IQCM: variants seen among roughly 807,000 people sequenced by gnomAD.
IQCM encodes the protein IQ motif containing M.
Under a neutral mutation model 57.6 loss-of-function variants are expected in IQCM, and 45 were observed. That is an observed-to-expected ratio of 0.78 (90% CI 0.62 to 1.00). The LOEUF is 1.00. Among genes scored for constraint, IQCM ranks in the 50% least tolerant of loss-of-function variants. The probability of loss-of-function intolerance (pLI) is 0.00; values close to 1 mark genes in which losing one functional copy is unlikely to be tolerated. For synonymous variants in IQCM, 148 were observed against 158.9 expected, an observed-to-expected ratio of 0.93 and a Z score of 0.51; for missense variants, 468 against 511.6, an observed-to-expected ratio of 0.91 and a Z score of 0.82.
At chr4:149,442,951 C>CAGAG (rs1278320532) in intron 12 of IQCM, among the ~76,000 whole-genome samples, 7 of 111,204 alleles carry the variant, frequency 6.3e-5, no homozygotes, top group South Asian at 3.9e-4. Context: ...CACACACACA[C>CAGAG]ACAGAGAGAG....
intron 13 of IQCM, among the ~76,000 whole-genome samples, chr4:149,432,396 G>GA (rs1004506655): frequency 6.6e-6 from 1 of 151,832 alleles, no homozygotes. Flanking sequence ...TTAATTTATA[G>GA]AAAAATAGTC....
At chr4:149,743,784 T>A (rs984597171) in intron 2 of IQCM, among the ~76,000 whole-genome samples, 2 of 152,196 alleles carry the variant, frequency 1.3e-5, no homozygotes, top group African/African-American at 4.8e-5. Context: ...ACATTTGACA[T>A]TATCATTACT....
At chr4:149,556,048 C>G (rs1165368325) in intron 10 of IQCM, among the ~76,000 whole-genome samples, 5 of 152,144 alleles carry the variant, frequency 3.3e-5, no homozygotes, top group Non-Finnish European at 7.3e-5. Context: ...TATGCTTCAG[C>G]TATTGTGCTA....
At chr4:149,445,820 T>C (rs376699627) in intron 12 of IQCM, among the ~76,000 whole-genome samples, 12 of 151,932 alleles carry the variant, frequency 7.9e-5, no homozygotes, top group East Asian at 7.7e-4. Flanking sequence ...AAGATTGCAG[T>C]TGAAAATAAA....
At chr4:149,602,036 A>C (rs900141339) in intron 8 of IQCM, among the ~76,000 whole-genome samples, 1 of 134,918 alleles carries the variant, frequency 7.4e-6, no homozygotes, top group Admixed American at 8.0e-5. Flanking sequence ...CCTGGGCGAC[A>C]AAAAAAAAAA....
intron 7 of IQCM, among the ~76,000 whole-genome samples, chr4:149,625,844 G>A (rs1413460705): frequency 7.9e-5 from 12 of 151,818 alleles, no homozygotes; most frequent in Non-Finnish European, 1.3e-4. Flanking sequence ...ACATTTTTGG[G>A]GTATCGTGTT....
chr4:149,646,086 A>G (rs1758608666), intron 7 of IQCM, among the ~76,000 whole-genome samples: 3 of 152,148 alleles, frequency 2.0e-5, no homozygotes, highest in Admixed American at 1.3e-4. Context: ...TCTGAATCCC[A>G]GCCTTGGGGG....
In IQCM at chr4:149,683,514, G is replaced by A. The variant is rs1362311939; in HGVS notation, c.477-1308C>T. Among the ~76,000 whole-genome samples, 3 of 151,260 alleles carry A rather than the reference G, an allele frequency of 2.0e-5. 1 individual carries two copies. In the South Asian group the frequency reaches 6.2e-4, roughly 31 times the overall value. The stretch of plus-strand genomic sequence containing the variant: ...TCACTCATGTGGTCATGCCCACAGA[G>A]TTGGCCAAAGGACTGAGGTATCCCT... On this transcript the variant is annotated intron_variant, in intron 6 of 13. Transcript: ENST00000636793.
intron 13 of IQCM, among the ~76,000 whole-genome samples, chr4:149,374,272 A>C (rs1560784080): frequency 6.6e-6 from 1 of 152,046 alleles, no homozygotes; most frequent in South Asian, 2.1e-4. Flanking sequence ...GTATCCATCT[A>C]TTTATTTATC....
At chr4:149,475,091 G>A (rs544823435) in intron 12 of IQCM, among the ~76,000 whole-genome samples, 2 of 152,320 alleles carry the variant, frequency 1.3e-5, no homozygotes, top group East Asian at 3.9e-4. Context: ...TCTGGCTACT[G>A]TGTCGAAAAT....
At chr4:149,442,951 C>CAGAGAG (rs1278320532) in intron 12 of IQCM, among the ~76,000 whole-genome samples, 5 of 111,114 alleles carry the variant, frequency 4.5e-5, no homozygotes, top group Non-Finnish European at 3.6e-5. Flanking sequence ...CACACACACA[C>CAGAGAG]ACAGAGAGAG....
At chr4:149,636,899 T>C (rs1757764197) in intron 7 of IQCM, among the ~76,000 whole-genome samples, 1 of 151,150 alleles carries the variant, frequency 6.6e-6, no homozygotes, top group Non-Finnish European at 1.5e-5. Context: ...ATCCCAGCAC[T>C]TTGGGAGGCC....
At chr4:149,489,776 T>A (rs1336360926) in intron 12 of IQCM, among the ~76,000 whole-genome samples, 1 of 151,692 alleles carries the variant, frequency 6.6e-6, no homozygotes, top group African/African-American at 2.4e-5. Flanking sequence ...TATGTGTGTG[T>A]GTATATATAT....
intron 5 of IQCM, among the ~76,000 whole-genome samples, chr4:149,708,484 C>G (rs11099740): frequency 0.23 from 35,613 of 151,660 alleles, 4,784 homozygotes; most frequent in Non-Finnish European, 0.28. Context: ...ATCTTACATG[C>G]TGAATACTAG....
intron 9 of IQCM, among the ~76,000 whole-genome samples, chr4:149,580,981 CT>C (rs1441136145): frequency 6.6e-6 from 1 of 151,668 alleles, no homozygotes; most frequent in East Asian, 1.9e-4. Flanking sequence ...AAAAATTCCC[CT>C]GTCCTTATTG....
chr4:149,599,732 T>G (rs2654831), intron 8 of IQCM, among the ~76,000 whole-genome samples: 32,393 of 151,926 alleles, frequency 0.21, 4,286 homozygotes, highest in Non-Finnish European at 0.29. Flanking sequence ...TCCTGTGGTT[T>G]GTGTATGCTT....
rs886286735 is a variant in IQCM at position 149,678,769 on chromosome 4, C to T, written c.565+3349G>A. Among the ~76,000 whole-genome samples, 4 of 151,008 alleles carry T rather than the reference C, an allele frequency of 2.6e-5. 1 individual carries two copies. Among genetic ancestry groups the T allele is most frequent in the Non-Finnish European group, 4.4e-5 (3 of 67,618 alleles). On this transcript the variant is annotated intron_variant, in intron 7 of 13. Coordinates refer to ENST00000636793, the MANE Select transcript of IQCM (RefSeq NM_001363507.2). ...TGACAATGTTTCAAAAAAAGACATA[C>T]GAATGGCCAATAGGCATATGAAAAA... is the stretch of plus-strand genomic sequence containing the variant.
intron 12 of IQCM, among the ~76,000 whole-genome samples, chr4:149,524,265 A>G (rs1011545213): frequency 6.6e-5 from 10 of 152,172 alleles, no homozygotes; most frequent in African/African-American, 2.4e-4. Flanking sequence ...CTGACTGAGG[A>G]GCAGCACAGG....
At chr4:149,411,208 TC>T (rs765683108) in intron 13 of IQCM, among the ~76,000 whole-genome samples, 1 of 152,192 alleles carries the variant, frequency 6.6e-6, no homozygotes, top group Non-Finnish European at 1.5e-5. Context: ...GCAATTTTTT[TC>T]TACAATGTTT....
Sources: gnomAD v4.1 joint callset for allele counts (sites outside exome capture counted in the v4.1 genomes callset) on GRCh38, gnomAD v4.1.1 for gene constraint, MANE v1.5 for transcripts, NCBI Gene and HGNC (gene_info 2026-07-23, HGNC 2026-07-21) for gene names.